Variants in HASPIN observed in about 807,000 individuals in gnomAD.
The protein encoded by HASPIN is histone H3 associated protein kinase.
HASPIN carries 24 observed loss-of-function variants against 28.8 expected under a neutral mutation model. The observed-to-expected ratio is 0.83, with a 90% CI of 0.60 to 1.17. The LOEUF is 1.17. Among genes scored for constraint, HASPIN ranks in the 50% most tolerant of loss-of-function variants. The pLI is 0.00. For missense variants in HASPIN, 1,016 were observed against 1,018.5 expected, an observed-to-expected ratio of 1.00 and a Z score of 0.03; for synonymous variants, 440 against 413.1, an observed-to-expected ratio of 1.07 and a Z score of -0.79.
In HASPIN at chr17:3,724,296, C is replaced by T. The variant is rs2051151465; in HGVS notation, c.361C>T (p.Arg121Trp). The T allele has an allele frequency of 3.8e-6, 6 of 1,586,532 alleles. No individual in the cohort carries two copies. The highest frequency in any genetic ancestry group is 2.6e-6 in the Non-Finnish European group (3 of 1,173,732). The change falls in exon 1 of 1, where the codon CGG becomes TGG. Residue 121 changes from arginine to tryptophan, a missense_variant. By Grantham distance (101) the Arg-to-Trp change is moderately radical (BLOSUM62 -3). Around this residue, in one of 3 missense-constraint regions of HASPIN, gnomAD observed 881 missense variants for 845.5 expected, o/e 1.04. Coordinates refer to ENST00000325418, the MANE Select transcript of HASPIN (RefSeq NM_031965.2). ...CCCAAGACGCCTGGGGCTGCGAGCT[C>T]GGCCCCCGCAGAAGTGCAGCACACC... ...VTPRRLGLRA[R>W]PPQKCSTPCG...
chr17:3,724,515 T>C lies in HASPIN; in HGVS notation c.580T>C (p.Cys194Arg), dbSNP rs2051158841. 1 of 1,613,866 alleles carries C rather than the reference T, an allele frequency of 6.2e-7. No individual in the cohort carries two copies. Among genetic ancestry groups the C allele is most frequent in the Non-Finnish European group, 8.5e-7 (1 of 1,180,004 alleles). ...TGTCATCTCGATCGGCACCTCCGCC[T>C]GTCTGGTTGCAGCCTCAGCCGTCCC... is the stretch of plus-strand genomic sequence containing the variant. ...DSVISIGTSA[C>R]LVAASAVPSG... Residue 194 changes from cysteine (C) to arginine (R), a missense_variant, in exon 1 of 1, where the codon TGT becomes CGT. Transcript: ENST00000325418.
rs747059386 is a variant in HASPIN at position 3,724,596 on chromosome 17, C to T, written c.661C>T (p.Gln221Ter). ...GGACCGAGCATCTCTCCCCTGCTCC[C>T]AGGAGGAAGCGACAGGAGGAGCCAA... ...SLDRASLPCS[Q>*]EEATGGAKDT... The change falls in exon 1 of 1, where the codon CAG becomes TAG. Residue 221 changes from glutamine (Q) to a stop codon, truncating the protein, a stop_gained. Transcript: ENST00000325418. LOFTEE classifies it low-confidence loss of function (END_TRUNC). The T allele has an allele frequency of 4.3e-6, 7 of 1,614,212 alleles. No individual in the cohort carries two copies. Among genetic ancestry groups the T allele is most frequent in the Non-Finnish European group, 5.9e-6 (7 of 1,180,038 alleles).
At position 3,726,552 on chromosome 17, in the gene HASPIN, G is replaced by T; in HGVS notation, c.*220G>T. The T allele has an allele frequency of 1.8e-6, 1 of 547,856 alleles. No homozygotes were observed. Among genetic ancestry groups the T allele is most frequent in the Non-Finnish European group, 3.3e-6 (1 of 306,200 alleles). 33.9% of individuals were successfully genotyped at this position (547,856 alleles called of 1,614,324 possible). The stretch of plus-strand genomic sequence containing the variant: ...GTTCTGAAAGAAGTAAACTAGCCGG[G>T]CACAGTGGCGTGCGCCTGTAGTCCC... On this transcript the variant is annotated 3_prime_UTR_variant, in exon 1 of 1. Transcript: ENST00000325418.
At position 3,726,102 on chromosome 17, in the gene HASPIN, A is replaced by G; in HGVS notation, c.2167A>G (p.Arg723Gly). The change falls in exon 1 of 1, where the codon AGG (arginine) becomes GGG (glycine). Residue 723 changes from arginine (R) to glycine (G), a missense_variant. By Grantham distance (125) the Arg-to-Gly change is moderately radical. Transcript: ENST00000325418. ...GDGDYQFDIY[R>G]LMKKENNNRW... ...CGGTGACTACCAGTTTGACATCTAC[A>G]GGCTCATGAAGAAGGAGAATAACAA... is the stretch of plus-strand genomic sequence containing the variant. 6.2e-7 allele frequency: 1 copy of G among 1,614,226 alleles called. No homozygotes were observed. Among genetic ancestry groups the G allele is most frequent in the Non-Finnish European group, 8.5e-7 (1 of 1,180,042 alleles).
chr17:3,725,802 G>A lies in HASPIN; in HGVS notation c.1867G>A (p.Ala623Thr), dbSNP rs1204586750. ...AATGCGAACCAAGTTGTCTTCCTTG[G>A]CTACTGCAAAGAGCATTCTACACCA... ...EQMRTKLSSLATAKSILHQLT... is the reference protein window; with the variant it reads ...EQMRTKLSSLTTAKSILHQLT... The change falls in exon 1 of 1, where the codon GCT becomes ACT. Residue 623 changes from alanine to threonine, a missense_variant. Around this residue, in one of 3 missense-constraint regions of HASPIN, gnomAD observed 881 missense variants for 845.5 expected, o/e 1.04. Coordinates refer to ENST00000325418, the MANE Select transcript of HASPIN (RefSeq NM_031965.2). The A allele has an allele frequency of 1.2e-5, 19 of 1,609,254 alleles. No individual in the cohort carries two copies. The highest frequency in any genetic ancestry group is 8.0e-5 in the African/African-American group (6 of 74,722).
chr17:3,725,922 A>C lies in HASPIN; in HGVS notation c.1987A>C (p.Lys663Gln). 2 of 1,613,524 alleles carry C rather than the reference A, an allele frequency of 1.2e-6. No individual in the cohort carries two copies. Among genetic ancestry groups the C allele is most frequent in the Admixed American group, 1.7e-5 (1 of 59,974 alleles). The stretch of plus-strand genomic sequence containing the variant: ...CGTGCTCTTAAAGAAAACCAGCCTC[A>C]AAAAACTCCACTACACCCTCAATGG... Reference protein sequence around the residue: ...GNVLLKKTSLKKLHYTLNGKS... With the variant: ...GNVLLKKTSLQKLHYTLNGKS... The change falls in exon 1 of 1, where the codon AAA (lysine) becomes CAA (glutamine). Residue 663 changes from lysine (K) to glutamine (Q), a missense_variant. By Grantham distance (53) the Lys-to-Gln change is moderately conservative. This residue lies in a region of HASPIN where 6 missense variants were observed against 16.9 expected (regional missense o/e 0.36). Coordinates refer to ENST00000325418, the MANE Select transcript of HASPIN (RefSeq NM_031965.2).
chr17:3,724,174 G>T lies in HASPIN; in HGVS notation c.239G>T (p.Arg80Leu). The part of the protein sequence containing the change: ...DFPGSPVRRR[R>L]RRPGGRVPKD... ...CCCGGCAGCCCGGTGAGGCGGCGGC[G>T]GAGGCGTCCCGGCGGCCGAGTGCCC... The change falls in exon 1 of 1, where the codon CGG becomes CTG. Residue 80 changes from arginine (R) to leucine (L), a missense_variant. Around this residue, in one of 3 missense-constraint regions of HASPIN, gnomAD observed 881 missense variants for 845.5 expected, o/e 1.04. Transcript: ENST00000325418. The T allele has an allele frequency of 6.3e-7, 1 of 1,592,802 alleles. No individual in the cohort carries two copies. The highest frequency in any genetic ancestry group is 8.5e-7 in the Non-Finnish European group (1 of 1,176,652).
chr17:3,725,541 A>T lies in HASPIN; in HGVS notation c.1606A>T (p.Ile536Phe). The change falls in exon 1 of 1, where the codon ATC becomes TTC. Residue 536 changes from isoleucine (I) to phenylalanine (F), a missense_variant. Physicochemically the swap from Ile to Phe is conservative, Grantham distance 21 (BLOSUM62 0). This residue lies in a region of HASPIN where 881 missense variants were observed against 845.5 expected (regional missense o/e 1.04). Transcript: ENST00000325418. ...QKTFEEILPEIIISKELSLLS... is the reference protein window; with the variant it reads ...QKTFEEILPEFIISKELSLLS... ...AACCTTTGAGGAAATCCTGCCAGAG[A>T]TCATCATCTCCAAAGAGTTGAGCCT... The T allele has an allele frequency of 6.2e-7, 1 of 1,614,224 alleles. No homozygotes were observed. Among genetic ancestry groups the T allele is most frequent in the Non-Finnish European group, 8.5e-7 (1 of 1,180,042 alleles).
In HASPIN at chr17:3,726,046, T is replaced by C. The variant is rs767453144; in HGVS notation, c.2111T>C (p.Val704Ala). Residue 704 changes from valine (V) to alanine (A), a missense_variant, in exon 1 of 1, where the codon GTT becomes GCT. This residue lies in a region of HASPIN where 129 missense variants were observed against 156.2 expected (regional missense o/e 0.83). Transcript: ENST00000325418. ...GATGGGATTGTGGTTTTCTGTGACG[T>C]TTCCATGGATGAGGACCTGTTTACC... ...ERDGIVVFCD[V>A]SMDEDLFTGD... The C allele has an allele frequency of 1.1e-5, 18 of 1,614,182 alleles. No individual in the cohort carries two copies. Among genetic ancestry groups the C allele is most frequent in the Non-Finnish European group, 1.5e-5 (18 of 1,180,042 alleles).
chr17:3,723,967 G>C lies in HASPIN; in HGVS notation c.32G>C (p.Arg11Pro). The C allele has an allele frequency of 6.4e-7, 1 of 1,573,498 alleles. No individual in the cohort carries two copies. The highest frequency in any genetic ancestry group is 8.6e-7 in the Non-Finnish European group (1 of 1,159,636). The change falls in exon 1 of 1, where the codon CGG (arginine) becomes CCG (proline). Residue 11 changes from arginine to proline, a missense_variant. Around this residue, in one of 3 missense-constraint regions of HASPIN, gnomAD observed 881 missense variants for 845.5 expected, o/e 1.04. Transcript: ENST00000325418. MAASLPGPGS[R>P]LFRTYGAADG... ...GCTTCGCTCCCGGGACCTGGGAGCC[G>C]GCTTTTCCGCACATATGGGGCTGCG...
In HASPIN at chr17:3,724,529, C is replaced by T. The variant is rs904632929; in HGVS notation, c.594C>T (p.Ala198=). 6.2e-7 allele frequency: 1 copy of T among 1,613,994 alleles called. No homozygotes were observed. Among genetic ancestry groups the T allele is most frequent in the Non-Finnish European group, 8.5e-7 (1 of 1,180,038 alleles). Residue 198 remains alanine, a synonymous_variant, in exon 1 of 1, where the codon GCC becomes GCT. Coordinates refer to ENST00000325418, the MANE Select transcript of HASPIN (RefSeq NM_031965.2). ...GCACCTCCGCCTGTCTGGTTGCAGC[C>T]TCAGCCGTCCCGAGCGGCCTCCACC... is the stretch of plus-strand genomic sequence containing the variant. ...SIGTSACLVA[A]SAVPSGLHLP...
rs1279436571 is a variant in HASPIN at position 3,725,194 on chromosome 17, G to C, written c.1259G>C (p.Cys420Ser). ...CTCTCTGGATCCCTCCTATCAGAAT[G>C]TTCAAACCGGCCTGTCATGAACAGA... ...TSLSGSLLSE[C>S]SNRPVMNRTS... Residue 420 changes from cysteine (C) to serine (S), a missense_variant, in exon 1 of 1, where the codon TGT (cysteine) becomes TCT (serine). By Grantham distance (112) the Cys-to-Ser change is moderately radical. This residue lies in a region of HASPIN where 881 missense variants were observed against 845.5 expected (regional missense o/e 1.04). Coordinates refer to ENST00000325418, the MANE Select transcript of HASPIN (RefSeq NM_031965.2). The C allele has an allele frequency of 6.2e-7, 1 of 1,614,058 alleles. No individual in the cohort carries two copies. The highest frequency in any genetic ancestry group is 8.5e-7 in the Non-Finnish European group (1 of 1,180,032).
In HASPIN at chr17:3,725,115, A is replaced by C; in HGVS notation, c.1180A>C (p.Lys394Gln). ...GGCTTCCTTCAGTTTCCACAAGAAG[A>C]AAATTGTGACTGATGTGTCAGAGGT... is the stretch of plus-strand genomic sequence containing the variant. ...TRASFSFHKKKIVTDVSEVCS... is the reference protein window; with the variant it reads ...TRASFSFHKKQIVTDVSEVCS... Residue 394 changes from lysine (K) to glutamine (Q), a missense_variant, in exon 1 of 1, where the codon AAA (lysine) becomes CAA (glutamine). By Grantham distance (53) the Lys-to-Gln change is moderately conservative. Around this residue, in one of 3 missense-constraint regions of HASPIN, gnomAD observed 881 missense variants for 845.5 expected, o/e 1.04. Transcript: ENST00000325418. The C allele has an allele frequency of 6.2e-7, 1 of 1,614,214 alleles. No homozygotes were observed. Among genetic ancestry groups the C allele is most frequent in the Non-Finnish European group, 8.5e-7 (1 of 1,180,036 alleles).
In HASPIN at chr17:3,724,156, G is replaced by T; in HGVS notation, c.221G>T (p.Ser74Ile). The change falls in exon 1 of 1, where the codon AGC becomes ATC. Residue 74 changes from serine to isoleucine, a missense_variant. By Grantham distance (142) the Ser-to-Ile change is moderately radical (BLOSUM62 -2). Coordinates refer to ENST00000325418, the MANE Select transcript of HASPIN (RefSeq NM_031965.2). ...DDPDDPDFPG[S>I]PVRRRRRRPG... ...CCCGACGACCCCGACTTCCCCGGCA[G>T]CCCGGTGAGGCGGCGGCGGAGGCGT... The T allele has an allele frequency of 6.3e-7, 1 of 1,594,540 alleles. No homozygotes were observed. Among genetic ancestry groups the T allele is most frequent in the Non-Finnish European group, 8.5e-7 (1 of 1,177,008 alleles).
In HASPIN at chr17:3,726,212, G is replaced by C. The variant is rs1399349684; in HGVS notation, c.2277G>C (p.Lys759Asn). 1 of 1,614,048 alleles carries C rather than the reference G, an allele frequency of 6.2e-7. No individual in the cohort carries two copies. The highest frequency in any genetic ancestry group is 8.5e-7 in the Non-Finnish European group (1 of 1,180,028). Residue 759 changes from lysine to asparagine, a missense_variant, in exon 1 of 1, where the codon AAG becomes AAC. Lys to Asn is a moderately conservative substitution (Grantham distance 94). Transcript: ENST00000325418. Reference protein sequence around the residue: ...TDKMLKQMTFKTKCNTPAMKQ... With the variant: ...TDKMLKQMTFNTKCNTPAMKQ... ...AGATGCTGAAACAAATGACCTTCAA[G>C]ACTAAATGTAACACTCCTGCCATGA...
Position 3,724,059 on chromosome 17 carries a change from C to T in HASPIN, c.124C>T (p.Arg42Cys). The T allele has an allele frequency of 6.3e-7, 1 of 1,597,280 alleles. No homozygotes were observed. Among genetic ancestry groups the T allele is most frequent in the Non-Finnish European group, 8.5e-7 (1 of 1,177,940 alleles). ...AQWFPPQDRR[R>C]FFNSSGSSDA... ...GTGGTTCCCGCCGCAGGACCGGAGG[C>T]GTTTCTTCAACAGCAGCGGCAGCAG... The change falls in exon 1 of 1, where the codon CGT becomes TGT. Residue 42 changes from arginine (R) to cysteine (C), a missense_variant. By Grantham distance (180) the Arg-to-Cys change is radical (BLOSUM62 -3). This residue lies in a region of HASPIN where 881 missense variants were observed against 845.5 expected (regional missense o/e 1.04). Transcript: ENST00000325418.
In HASPIN at chr17:3,724,655, C is replaced by T. The variant is rs1291030367; in HGVS notation, c.720C>T (p.Ser240=). The T allele has an allele frequency of 2.5e-6, 4 of 1,614,200 alleles. No individual in the cohort carries two copies. Among genetic ancestry groups the T allele is most frequent in the East Asian group, 4.5e-5 (2 of 44,882 alleles). ...DTRMVHQTRA[S]LRSVLFGLMN... ...GGATGGTCCACCAAACCCGCGCCAG[C>T]CTCAGGTCAGTTCTCTTTGGCCTTA... The change falls in exon 1 of 1, where the codon AGC becomes AGT. Residue 240 remains serine, a synonymous_variant. Transcript: ENST00000325418.
rs57655393 is a variant in HASPIN, at chr17:3,725,392, G to T, written c.1457G>T (p.Arg486Leu). 1.6e-4 allele frequency: 253 copies of T among 1,614,194 alleles called. 1 individual carries two copies. The African/African-American group carries it at 3.0e-3, about 19-fold the overall frequency. Residue 486 changes from arginine (R) to leucine (L), a missense_variant, in exon 1 of 1, where the codon CGC becomes CTC. Coordinates refer to ENST00000325418, the MANE Select transcript of HASPIN (RefSeq NM_031965.2). ...TGCCTTCCCACAGAAAAACTGCAACGCTGTGAGAAGATTGGGGAAGGGGTG... is the reference window on the plus strand; with the variant it reads ...TGCCTTCCCACAGAAAAACTGCAACTCTGTGAGAAGATTGGGGAAGGGGTG... ...SHCLPTEKLQRCEKIGEGVFG... is the reference protein window; with the variant it reads ...SHCLPTEKLQLCEKIGEGVFG...
Position 3,725,248 on chromosome 17 carries a change from C to T in HASPIN, c.1313C>T (p.Ser438Phe), listed in dbSNP as rs757280307. 19 of 1,614,190 alleles carry T rather than the reference C, an allele frequency of 1.2e-5. No individual in the cohort carries two copies. The South Asian group carries it at 1.9e-4, about 16-fold the overall frequency. The change falls in exon 1 of 1, where the codon TCC becomes TTC. Residue 438 changes from serine (S) to phenylalanine (F), a missense_variant. Ser to Phe is a radical substitution (Grantham distance 155, BLOSUM62 -2). Transcript: ENST00000325418. Reference protein sequence around the residue: ...RTSGAPSSWHSSSMYLLSPLN... With the variant: ...RTSGAPSSWHFSSMYLLSPLN... ...AGTGGTGCTCCGTCCTCTTGGCACTCCTCCTCTATGTATTTGCTAAGCCCC... is the reference window on the plus strand; with the variant it reads ...AGTGGTGCTCCGTCCTCTTGGCACTTCTCCTCTATGTATTTGCTAAGCCCC...
Sources: allele counts gnomAD v4.1 joint callset, GRCh38; gene constraint gnomAD v4.1.1; regional missense constraint gnomAD v4.1.1; transcripts MANE v1.5; gene names NCBI Gene and HGNC (gene_info 2026-07-23, HGNC 2026-07-21).